The following NSRP1 variants were observed in gnomAD, a reference collection of about 807,000 sequenced individuals.
NSRP1 encodes the protein nuclear speckle splicing regulatory protein 1, also known as coiled-coil domain containing 55.
In NSRP1, 24 loss-of-function variants were observed where a neutral mutation model predicts 54.7. The ratio of observed to expected loss-of-function variants is 0.44; its 90% confidence interval spans 0.32 to 0.62. The LOEUF (loss-of-function observed/expected upper bound fraction) is 0.62, where lower values mean the gene tolerates loss of function less well. Among genes scored for constraint, NSRP1 ranks in the 20% least tolerant of loss-of-function variants. The pLI is 0.06. For missense variants in NSRP1, 596 were observed against 651.2 expected (o/e 0.92, Z 0.92); for synonymous variants, 210 against 213.8 (o/e 0.98, Z 0.15).
At chr17:30,171,919 G>A (rs1597617981) in intron 2 of NSRP1, among the ~76,000 whole-genome samples, 1 of 109,882 alleles carries the variant, frequency 9.1e-6, no homozygotes, top group Admixed American at 1.1e-4. Flanking sequence ...ATCTAGACCA[G>A]TCTTTCCCCA....
In NSRP1 at chr17:30,168,537, A is replaced by G. The variant is rs530659082; in HGVS notation, c.115-4005A>G. ...GTATAATTATTATGGTTATCTGAAA[A>G]CAATCACGTTGTGCACATGTACCCT... On this transcript the variant is annotated intron_variant, in intron 2 of 6. Transcript: ENST00000247026. Among the ~76,000 whole-genome samples the G allele has an allele frequency of 1.1e-4, 16 of 150,404 alleles. No individual in the cohort carries two copies. In the South Asian group the frequency reaches 2.9e-3, roughly 27 times the overall value.
At chr17:30,171,976 CCT>C (rs58666089) in intron 2 of NSRP1, among the ~76,000 whole-genome samples, 7,021 of 80,286 alleles carry the variant, frequency 0.087, 324 homozygotes, top group African/African-American at 0.17. Context: ...ACACACACTC[CCT>C]CTCTCTCTCT....
chr17:30,128,631 AT>A (rs2071672222), intron 2 of NSRP1, among the ~76,000 whole-genome samples: 1 of 148,464 alleles, frequency 6.7e-6, no homozygotes, highest in South Asian at 2.2e-4. Flanking sequence ...CTTTTCTAAA[AT>A]TTTGTCTTGG....
chr17:30,116,833 A>C lies in NSRP1; in HGVS notation c.-11A>C. On this transcript the variant is annotated 5_prime_UTR_variant, in exon 1 of 7. Transcript: ENST00000247026. ...GAGGCGTCGGCCACGTTCAGCGGAC[A>C]CGGGAGCAAGATGGCGATTCCGGGC... 3 of 1,573,576 alleles carry C rather than the reference A, an allele frequency of 1.9e-6. No individual in the cohort carries two copies. The highest frequency in any genetic ancestry group is 2.6e-6 in the Non-Finnish European group (3 of 1,158,992).
At chr17:30,137,601 G>T (rs994782248) in intron 2 of NSRP1, among the ~76,000 whole-genome samples, 2 of 152,242 alleles carry the variant, frequency 1.3e-5, no homozygotes, top group African/African-American at 4.8e-5. Context: ...TAAGCCTTGA[G>T]ACTTTGGTGA....
chr17:30,124,102 GTC>G (rs779378615), intron 2 of NSRP1, among the ~76,000 whole-genome samples: 1 of 150,698 alleles, frequency 6.6e-6, no homozygotes, highest in Non-Finnish European at 1.5e-5. Context: ...GCGAGACCCC[GTC>G]TCTATAAAAA....
chr17:30,158,597 G>GCCTT (rs1470463769), intron 2 of NSRP1, among the ~76,000 whole-genome samples: 1 of 151,914 alleles, frequency 6.6e-6, no homozygotes, highest in East Asian at 1.9e-4. Flanking sequence ...ATAGTTTGGG[G>GCCTT]CCTTATCTTA....
chr17:30,119,750 A>G (rs959238697), intron 2 of NSRP1, among the ~76,000 whole-genome samples: 6 of 149,088 alleles, frequency 4.0e-5, no homozygotes, highest in Non-Finnish European at 6.0e-5. Context: ...TGATCCACCC[A>G]CCTTGGCCTC....
chr17:30,147,646 G>GTT (rs1327559089), intron 2 of NSRP1, among the ~76,000 whole-genome samples: 1 of 151,414 alleles, frequency 6.6e-6, no homozygotes, highest in Non-Finnish European at 1.5e-5. Context: ...TATATTTTTA[G>GTT]TAGAGACGGG....
intron 2 of NSRP1, among the ~76,000 whole-genome samples, chr17:30,149,335 C>T (rs1597606497): frequency 6.6e-6 from 1 of 152,146 alleles, no homozygotes; most frequent in East Asian, 1.9e-4. Flanking sequence ...CAGGTTTGAG[C>T]TACTGCACCT....
At chr17:30,153,569 C>G (rs1046204527) in intron 2 of NSRP1, among the ~76,000 whole-genome samples, 7 of 152,206 alleles carry the variant, frequency 4.6e-5, no homozygotes, top group African/African-American at 1.7e-4. Flanking sequence ...TGCCTTGCCA[C>G]TGTGTTTATA....
intron 2 of NSRP1, among the ~76,000 whole-genome samples, chr17:30,134,570 A>G (rs1235728312): frequency 6.6e-6 from 1 of 152,234 alleles, no homozygotes; most frequent in East Asian, 1.9e-4. Context: ...CAGCTAAGGA[A>G]AAATGAGAGA....
intron 2 of NSRP1, among the ~76,000 whole-genome samples, chr17:30,137,175 G>C (rs2071757903): frequency 6.6e-6 from 1 of 152,090 alleles, no homozygotes; most frequent in South Asian, 2.1e-4. Context: ...ATTCATGCTA[G>C]GTTCATGGTA....
intron 2 of NSRP1, among the ~76,000 whole-genome samples, chr17:30,145,693 A>C (rs1490554854): frequency 1.3e-5 from 2 of 151,562 alleles, no homozygotes; most frequent in Non-Finnish European, 2.9e-5. Context: ...TTATTTATTT[A>C]CTTTTTTTTT....
rs549340699 is a variant in NSRP1, at chr17:30,117,611, G to A, written c.21-469G>A. On this transcript the variant is annotated intron_variant, in intron 1 of 6. Transcript: ENST00000247026. ...AGTTATCTTTTAAAAATTTTCGTGA[G>A]TTACACTATCCAGTCAGTTCTTAGA... The A allele has an allele frequency of 2.8e-5, 10 of 353,084 alleles. No individual in the cohort carries two copies. The South Asian group carries it at 1.2e-3, about 42-fold the overall frequency. 21.9% of individuals were successfully genotyped at this position (353,084 alleles called of 1,614,324 possible). A position where few individuals can be genotyped will look rare whatever the true frequency, so the allele number is the denominator to read the frequency against.
At chr17:30,139,850 C>G (rs979165185) in intron 2 of NSRP1, among the ~76,000 whole-genome samples, 4 of 152,186 alleles carry the variant, frequency 2.6e-5, no homozygotes, top group African/African-American at 9.7e-5. Flanking sequence ...CAGTGAAACC[C>G]TGTCTCTACT....
chr17:30,117,009 C>T (rs1597588398), intron 1 of NSRP1, 146 bp downstream of exon 1: 1 of 1,013,170 alleles, frequency 9.9e-7, no homozygotes, highest in East Asian at 2.6e-5. Context: ...TCCTGAGGAA[C>T]ATAGATTCCC....
chr17:30,135,520 C>T (rs2071742586), intron 2 of NSRP1, among the ~76,000 whole-genome samples: 1 of 151,884 alleles, frequency 6.6e-6, no homozygotes, highest in South Asian at 2.1e-4. Flanking sequence ...GTCACCCAGG[C>T]TGGAGTGCAG....
At chr17:30,133,624 T>C (rs1184065749) in intron 2 of NSRP1, among the ~76,000 whole-genome samples, 1 of 152,242 alleles carries the variant, frequency 6.6e-6, no homozygotes, top group Non-Finnish European at 1.5e-5. Flanking sequence ...AAGCGTTGAC[T>C]TCTCTTGGGC....
Sources: gnomAD v4.1 joint callset for allele counts (sites outside exome capture counted in the v4.1 genomes callset) on GRCh38, gnomAD v4.1.1 for gene constraint, MANE v1.5 for transcripts, NCBI Gene and HGNC (gene_info 2026-07-23, HGNC 2026-07-21) for gene names.